FANCA: variants seen among roughly 807,000 people sequenced by gnomAD.
FANCA encodes FA complementation group A, also known as Fanconi anemia group A protein.
A neutral mutation model predicts 194.3 loss-of-function variants in FANCA; 236 were observed. The ratio of observed to expected loss-of-function variants is 1.21; its 90% confidence interval spans 1.09 to 1.35. The LOEUF (loss-of-function observed/expected upper bound fraction) is 1.35. FANCA is among the 40% of genes most tolerant of loss of function. The pLI, the probability that FANCA is intolerant of heterozygous loss-of-function variation, is 0.00. For missense variants in FANCA, 2,628 were observed against 1,813.9 expected (o/e 1.45, Z -8.15); for synonymous variants, 1,014 against 715.8 (o/e 1.42, Z -6.65).
At chr16:89,758,792 G>T (rs999381108) in intron 29 of FANCA, 87 bp from the exon 30 acceptor site, 28 of 1,585,424 alleles carry the variant, frequency 1.8e-5, no homozygotes, top group Non-Finnish European at 2.3e-5. Context: ...CATAGTAAGG[G>T]ACACACAGCA....
intron 14 of FANCA, among the ~76,000 whole-genome samples, chr16:89,786,964 A>T (rs1334397479): frequency 6.6e-6 from 1 of 152,170 alleles, no homozygotes; most frequent in Non-Finnish European, 1.5e-5. Context: ...CGTTCACTCA[A>T]TTAACAGTGA....
Position 89,738,086 on chromosome 16 carries a change from G to C in FANCA, c.*515C>G. On this transcript the variant is annotated 3_prime_UTR_variant, in exon 43 of 43. Transcript: ENST00000389301. ...TTTGCCTGTGACCAGTGTGGCCGGC[G>C]GTTTGAGAAGGCCCACAACCTCAAT... is the stretch of plus-strand genomic sequence containing the variant. 2 of 1,614,036 alleles carry C rather than the reference G, an allele frequency of 1.2e-6. No individual in the cohort carries two copies. Among genetic ancestry groups the C allele is most frequent in the Non-Finnish European group, 8.5e-7 (1 of 1,180,040 alleles).
At chr16:89,815,423 C>G (rs1238491110) in intron 2 of FANCA, among the ~76,000 whole-genome samples, 1 of 135,090 alleles carries the variant, frequency 7.4e-6, no homozygotes. Flanking sequence ...GATCTCGGCT[C>G]ACTGCAATTT....
intron 3 of FANCA, among the ~76,000 whole-genome samples, chr16:89,812,650 A>AAAAAAAAAAAAAAAC (rs2040935107): frequency 7.9e-6 from 1 of 126,654 alleles, no homozygotes; most frequent in Non-Finnish European, 1.6e-5. Flanking sequence ...CCGTCTCAAA[A>AAAAAAAAAAAAAAAC]AAAAAAAAAA....
rs1381163917 is a variant in FANCA, at chr16:89,746,167, G to A, written c.3513+417C>T. On this transcript the variant is annotated intron_variant, in intron 35 of 42. Coordinates refer to ENST00000389301, the MANE Select transcript of FANCA (RefSeq NM_000135.4). ...GGAGCTGAGGTGAAGTCTCTGCTCC[G>A]AAGTCCCAAGAAAGCATAGTCAGGC... is the stretch of plus-strand genomic sequence containing the variant. Among the ~76,000 whole-genome samples the A allele has an allele frequency of 3.3e-5, 5 of 152,278 alleles. No individual in the cohort carries two copies. In the East Asian group the frequency reaches 7.7e-4, roughly 23 times the overall value.
chr16:89,778,838 G>C lies in FANCA; in HGVS notation c.1789C>G (p.Pro597Ala). Reference sequence around the variant, plus strand: ...TCTATAAACGCCACACGGGAGTCAGGGACTTTGGGGAGCTGTGGGAAGAGA... The same window carrying C: ...TCTATAAACGCCACACGGGAGTCAGCGACTTTGGGGAGCTGTGGGAAGAGA... ...LLTPRVLPKV[P>A]DSRVAFIESL... is the part of the protein sequence containing the mutation. Residue 597 changes from proline (P) to alanine (A), a missense_variant, in exon 20 of 43, where the codon CCT becomes GCT. Coordinates refer to ENST00000389301, the MANE Select transcript of FANCA (RefSeq NM_000135.4). 6.2e-7 allele frequency: 1 copy of C among 1,614,034 alleles called. No individual in the cohort carries two copies.
At chr16:89,753,820 C>T (rs868258477) in intron 30 of FANCA, among the ~76,000 whole-genome samples, 19 of 152,086 alleles carry the variant, frequency 1.2e-4, no homozygotes, top group African/African-American at 4.1e-4. Context: ...TTTGGGAGGC[C>T]GAGGCAGGCA....
intron 3 of FANCA, among the ~76,000 whole-genome samples, chr16:89,811,983 G>C (rs1386415532): frequency 1.3e-5 from 2 of 151,090 alleles, no homozygotes; most frequent in Non-Finnish European, 3.0e-5. Context: ...CGCCCGCCTC[G>C]GCCTCCCATA....
intron 32 of FANCA, 96 bp downstream of exon 32, chr16:89,749,634 C>T (rs963604493): frequency 9.6e-6 from 14 of 1,457,796 alleles, no homozygotes; most frequent in African/African-American, 1.4e-5. Flanking sequence ...AAGTAAGTAA[C>T]GGGAAACAAA....
Position 89,814,580 on chromosome 16 carries a change from T to G in FANCA, c.223A>C (p.Ser75Arg). ...GAACTGTCACAGTCAATCACTTTGC[T>G]GAGAGACAATTTTTTACACAGTGGA... ...EGPLCKKLSL[S>R]KVIDCDSSEA... The change falls in exon 3 of 43, where the codon AGC (serine) becomes CGC (arginine). Residue 75 changes from serine (S) to arginine (R), a missense_variant. Ser to Arg is a moderately radical substitution (Grantham distance 110, BLOSUM62 -1). Transcript: ENST00000389301. 1.2e-6 allele frequency: 2 copies of G among 1,613,966 alleles called. No individual in the cohort carries two copies. The highest frequency in any genetic ancestry group is 1.7e-6 in the Non-Finnish European group (2 of 1,179,836).
chr16:89,763,951 A>C (rs905949928), intron 28 of FANCA, among the ~76,000 whole-genome samples: 5 of 148,882 alleles, frequency 3.4e-5, no homozygotes, highest in Admixed American at 1.3e-4. Context: ...ACAACAACAA[A>C]AAACAAGTTC....
At chr16:89,750,425 G>C (rs1398695153) in intron 31 of FANCA, among the ~76,000 whole-genome samples, 1 of 151,354 alleles carries the variant, frequency 6.6e-6, no homozygotes, top group Non-Finnish European at 1.5e-5. Context: ...GGAGCTTGCA[G>C]TGAGCCCAGA....
intron 7 of FANCA, among the ~76,000 whole-genome samples, chr16:89,804,154 G>C (rs1015703079): frequency 6.6e-6 from 1 of 152,134 alleles, no homozygotes; most frequent in African/African-American, 2.4e-5. Flanking sequence ...GGTTATAGTA[G>C]CTCAGGAATG....
At chr16:89,747,127 C>A (rs752056071) in intron 33 of FANCA, among the ~76,000 whole-genome samples, 14 of 152,280 alleles carry the variant, frequency 9.2e-5, no homozygotes, top group South Asian at 6.2e-4. Context: ...CCCAAACAGT[C>A]TTGTAGGCTC....
intron 32 of FANCA, 103 bp downstream of exon 32, chr16:89,749,623 CAAGT>C: frequency 1.7e-5 from 23 of 1,383,606 alleles, no homozygotes; most frequent in South Asian, 2.5e-5. Context: ...GACACACAGA[CAAGT>C]AAGTAACGGG....
intron 30 of FANCA, among the ~76,000 whole-genome samples, chr16:89,756,109 C>G (rs1214446378): frequency 6.6e-6 from 1 of 152,104 alleles, no homozygotes; most frequent in Non-Finnish European, 1.5e-5. Flanking sequence ...AAAATTATGG[C>G]TATGTGGGAT....
chr16:89,775,867 C>A, intron 20 of FANCA, 52 bp from the exon 21 acceptor site: 1 of 1,147,460 alleles, frequency 8.7e-7, no homozygotes, highest in South Asian at 1.3e-5. Flanking sequence ...TAAATTAATT[C>A]AAGATTACAA....
At chr16:89,740,143 G>GC in intron 38 of FANCA, 44 bp from the exon 39 acceptor site, 1 of 1,488,204 alleles carries the variant, frequency 6.7e-7, no homozygotes, top group South Asian at 1.1e-5. Flanking sequence ...CCGACCTGGT[G>GC]CTCCCATGGG....
At chr16:89,774,753 A>AAAAAAAAAAAAAAC (rs2039442720) in intron 21 of FANCA, among the ~76,000 whole-genome samples, 5 of 147,538 alleles carry the variant, frequency 3.4e-5, no homozygotes, top group Non-Finnish European at 6.0e-5. Flanking sequence ...AAAAAAAAAA[A>AAAAAAAAAAAAAAC]ATCTCAACGA....
Sources: allele counts gnomAD v4.1 joint callset (sites outside exome capture counted in the v4.1 genomes callset), GRCh38; gene constraint gnomAD v4.1.1; transcripts MANE v1.5; gene names NCBI Gene and HGNC (gene_info 2026-07-23, HGNC 2026-07-21).